The following GALNT17 variants were observed in gnomAD, a reference collection of about 807,000 sequenced individuals.
The protein encoded by GALNT17 is UDP-GalNAc:polypeptide N-acetylgalactosaminyltransferase-like 3.
A neutral mutation model predicts 63.7 loss-of-function variants in GALNT17; 29 were observed. The ratio of observed to expected loss-of-function variants is 0.46; its 90% confidence interval spans 0.34 to 0.62. The LOEUF is 0.62. Ranked by LOEUF, GALNT17 falls within the 20% of genes least tolerant of loss-of-function variation. The probability of loss-of-function intolerance (pLI) is 0.01; values close to 1 mark genes in which losing one functional copy is unlikely to be tolerated. For synonymous variants in GALNT17, 305 were observed against 318.3 expected, an observed-to-expected ratio of 0.96 and a Z score of 0.45; for missense variants, 603 against 799.6, an observed-to-expected ratio of 0.75 and a Z score of 2.97.
At chr7:71,356,301 A>C (rs1401371722) in intron 2 of GALNT17, among the ~76,000 whole-genome samples, 1 of 152,140 alleles carries the variant, frequency 6.6e-6, no homozygotes, top group African/African-American at 2.4e-5. Context: ...CAAGATTTGT[A>C]GTTCAAAGGG....
intron 5 of GALNT17, among the ~76,000 whole-genome samples, chr7:71,495,905 G>A (rs1329168149): frequency 1.3e-5 from 2 of 152,132 alleles, no homozygotes; most frequent in Admixed American, 1.3e-4. Context: ...GTGCCACCAG[G>A]GCAGATGTAA....
chr7:71,575,135 TCTC>T, intron 6 of GALNT17, among the ~76,000 whole-genome samples: 1 of 152,094 alleles, frequency 6.6e-6, no homozygotes, highest in East Asian at 1.9e-4. Flanking sequence ...CAATACTACT[TCTC>T]CTTTCATTTT....
intron 1 of GALNT17, among the ~76,000 whole-genome samples, chr7:71,314,700 C>T: frequency 6.6e-6 from 1 of 152,078 alleles, no homozygotes; most frequent in Non-Finnish European, 1.5e-5. Context: ...CAGGAGTTTG[C>T]AACCAGCCTG....
intron 5 of GALNT17, among the ~76,000 whole-genome samples, chr7:71,537,023 C>A (rs1301933116): frequency 6.6e-6 from 1 of 152,094 alleles, no homozygotes; most frequent in African/African-American, 2.4e-5. Context: ...ACCCATCATC[C>A]TTCTACTGCC....
chr7:71,185,982 C>T (rs1788844115), intron 1 of GALNT17, among the ~76,000 whole-genome samples: 1 of 152,138 alleles, frequency 6.6e-6, no homozygotes, highest in South Asian at 2.1e-4. Context: ...CAGTAAAGAC[C>T]TCCCAGATCA....
chr7:71,568,393 C>T (rs1466656951), intron 5 of GALNT17, among the ~76,000 whole-genome samples: 2 of 152,144 alleles, frequency 1.3e-5, no homozygotes, highest in East Asian at 3.9e-4. Flanking sequence ...CAGGAAATTG[C>T]TAAATAAATG....
intron 6 of GALNT17, among the ~76,000 whole-genome samples, chr7:71,574,118 C>T (rs777983629): frequency 1.3e-5 from 2 of 152,192 alleles, no homozygotes; most frequent in Non-Finnish European, 2.9e-5. Context: ...CTGCAATGAA[C>T]ATACGTGTGC....
In GALNT17 at chr7:71,686,018, G is replaced by C. The variant is rs551360397; in HGVS notation, c.1500+8712G>C. Among the ~76,000 whole-genome samples, 3 of 122,976 alleles carry C rather than the reference G, an allele frequency of 2.4e-5. No individual in the cohort carries two copies. The Admixed American group carries it at 3.2e-4, about 13-fold the overall frequency. 80.7% of individuals were successfully genotyped at this position (122,976 alleles called of 152,430 possible). ...CACCCAGGCTGGAGTGCAGTGGTGC[G>C]ATCTTGGCTCACTGCAACCTCCGCC... On this transcript the variant is annotated intron_variant, in intron 9 of 10. Transcript: ENST00000333538.
chr7:71,397,946 T>C (rs1281946881), intron 3 of GALNT17, among the ~76,000 whole-genome samples: 4 of 33,792 alleles, frequency 1.2e-4, no homozygotes, highest in South Asian at 5.2e-4. Flanking sequence ...TTGTCTTTGT[T>C]GTTGTTGTTG....
chr7:71,622,296 T>C (rs1183417029), intron 6 of GALNT17, among the ~76,000 whole-genome samples: 4 of 152,226 alleles, frequency 2.6e-5, no homozygotes, highest in Non-Finnish European at 5.9e-5. Flanking sequence ...TAGGCATTCT[T>C]CTGGGGCTTT....
At chr7:71,295,144 C>G (rs74803832) in intron 1 of GALNT17, among the ~76,000 whole-genome samples, 1 of 152,150 alleles carries the variant, frequency 6.6e-6, no homozygotes, top group African/African-American at 2.4e-5. Context: ...CTAAGTTCTA[C>G]GAGAACGCTG....
At chr7:71,387,491 A>G (rs921638183) in intron 2 of GALNT17, among the ~76,000 whole-genome samples, 10 of 151,684 alleles carry the variant, frequency 6.6e-5, no homozygotes, top group Admixed American at 2.6e-4. Flanking sequence ...GCACCTGGCT[A>G]ATTTTAAAAT....
At chr7:71,250,742 T>C (rs1387444723) in intron 1 of GALNT17, among the ~76,000 whole-genome samples, 2 of 152,192 alleles carry the variant, frequency 1.3e-5, no homozygotes, top group Non-Finnish European at 2.9e-5. Flanking sequence ...AAAAGTGGTA[T>C]TTTGTATGTG....
intron 5 of GALNT17, among the ~76,000 whole-genome samples, chr7:71,508,855 G>A (rs964023581): frequency 6.6e-6 from 1 of 152,102 alleles, no homozygotes; most frequent in Admixed American, 6.6e-5. Context: ...TCTTTTGCCA[G>A]GTTCTGGAGC....
chr7:71,357,379 T>C (rs1792306983), intron 2 of GALNT17, among the ~76,000 whole-genome samples: 1 of 152,104 alleles, frequency 6.6e-6, no homozygotes, highest in African/African-American at 2.4e-5. Context: ...TACCTTACGA[T>C]CTGAGGTGGA....
intron 6 of GALNT17, among the ~76,000 whole-genome samples, chr7:71,655,223 C>T (rs1050799245): frequency 3.4e-5 from 5 of 148,580 alleles, no homozygotes; most frequent in African/African-American, 7.4e-5. Flanking sequence ...CCACTGCACT[C>T]GAGCCTGGGA....
chr7:71,560,724 G>A (rs892413134), intron 5 of GALNT17, among the ~76,000 whole-genome samples: 4 of 152,142 alleles, frequency 2.6e-5, no homozygotes, highest in African/African-American at 9.7e-5. Context: ...GTCAGGAGGC[G>A]GTGTTAACCA....
At chr7:71,642,075 C>T (rs1397796390) in intron 6 of GALNT17, among the ~76,000 whole-genome samples, 2 of 152,144 alleles carry the variant, frequency 1.3e-5, no homozygotes, top group African/African-American at 4.8e-5. Context: ...ACAGGGCTGA[C>T]ATGTTACTGG....
intron 6 of GALNT17, among the ~76,000 whole-genome samples, chr7:71,649,612 A>AACACACACAC (rs148658729): frequency 1.4e-4 from 21 of 146,266 alleles, no homozygotes; most frequent in Middle Eastern, 3.4e-3. Context: ...TTCAGGATTA[A>AACACACACAC]ACACACACAC....
Sources: gnomAD v4.1 joint callset for allele counts (sites outside exome capture counted in the v4.1 genomes callset) on GRCh38, gnomAD v4.1.1 for gene constraint, MANE v1.5 for transcripts, NCBI Gene and HGNC (gene_info 2026-07-23, HGNC 2026-07-21) for gene names.